PLEKHA2: variants seen among roughly 807,000 people sequenced by gnomAD.
PLEKHA2 encodes the protein pleckstrin homology domain containing A2, also known as pleckstrin homology domain-containing family A member 2.
PLEKHA2 carries 28 observed loss-of-function variants against 53.2 expected under a neutral mutation model. That is an observed-to-expected ratio of 0.53 (90% CI 0.39 to 0.72). PLEKHA2 has a LOEUF of 0.72. Among genes scored for constraint, PLEKHA2 ranks in the 30% least tolerant of loss-of-function variants. The probability of loss-of-function intolerance (pLI) is 0.00; values close to 1 mark genes in which losing one functional copy is unlikely to be tolerated. For missense variants in PLEKHA2, 426 were observed against 537.9 expected (o/e 0.79, Z 2.06); for synonymous variants, 193 against 196.4 (o/e 0.98, Z 0.14).
intron 1 of PLEKHA2, among the ~76,000 whole-genome samples, chr8:38,916,961 C>T (rs1227458001): frequency 6.6e-6 from 1 of 152,158 alleles, no homozygotes; most frequent in Non-Finnish European, 1.5e-5. Flanking sequence ...GGATAAAAGC[C>T]ATTTTCACGG....
At chr8:38,950,081 A>G (rs1444445565) in intron 5 of PLEKHA2, among the ~76,000 whole-genome samples, 1 of 152,052 alleles carries the variant, frequency 6.6e-6, no homozygotes, top group Non-Finnish European at 1.5e-5. Flanking sequence ...GGTCTCTGTC[A>G]CCTAGCCTGG....
At chr8:38,954,126 C>G in intron 9 of PLEKHA2, among the ~76,000 whole-genome samples, 1 of 152,134 alleles carries the variant, frequency 6.6e-6, no homozygotes. Flanking sequence ...ATGGCTTGTA[C>G]AAGCAGAACC....
In PLEKHA2 at chr8:38,970,594, C is replaced by T. The variant is rs1055397296; in HGVS notation, c.*811C>T. 2 of 165,768 alleles carry T rather than the reference C, an allele frequency of 1.2e-5. No homozygotes were observed. The highest frequency in any genetic ancestry group is 1.3e-5 in the Non-Finnish European group (1 of 75,026). The allele number at this position is 165,768 out of a possible 1,614,324, so 10.3% of individuals were successfully genotyped here. A position where few individuals can be genotyped will look rare whatever the true frequency, so the allele number is the denominator to read the frequency against. On this transcript the variant is annotated 3_prime_UTR_variant, in exon 12 of 12. Coordinates refer to ENST00000617275, the MANE Select transcript of PLEKHA2 (RefSeq NM_021623.2). ...GGTGGATCACCTGAGGTCAGGAGTT[C>T]GAGATCAGCCTGGCCAACATGGTGA... is the stretch of plus-strand genomic sequence containing the variant.
chr8:38,936,600 C>G (rs950728910), intron 3 of PLEKHA2, among the ~76,000 whole-genome samples: 7 of 152,248 alleles, frequency 4.6e-5, no homozygotes, highest in Non-Finnish European at 1.0e-4. Context: ...GGGGTTGGGG[C>G]AGGTGGCTGC....
chr8:38,964,527 C>T (rs927782295), intron 10 of PLEKHA2, among the ~76,000 whole-genome samples: 3 of 152,110 alleles, frequency 2.0e-5, no homozygotes, highest in Non-Finnish European at 4.4e-5. Flanking sequence ...TCATCCCCCT[C>T]CCTTTACCCT....
chr8:38,906,052 C>T (rs1180675958), intron 1 of PLEKHA2, among the ~76,000 whole-genome samples: 2 of 152,226 alleles, frequency 1.3e-5, no homozygotes, highest in African/African-American at 2.4e-5. Context: ...TTGACATCGT[C>T]CATTATAAAA....
chr8:38,948,504 C>G (rs369142342), intron 5 of PLEKHA2, among the ~76,000 whole-genome samples: 1 of 152,034 alleles, frequency 6.6e-6, no homozygotes, highest in East Asian at 1.9e-4. Flanking sequence ...AAATAGAAGG[C>G]GGAATTTCTG....
At chr8:38,921,057 T>C (rs1834183671) in intron 2 of PLEKHA2, among the ~76,000 whole-genome samples, 1 of 152,182 alleles carries the variant, frequency 6.6e-6, no homozygotes. Context: ...GGCCTCGGCC[T>C]CCCAAAGTGC....
chr8:38,927,616 A>G (rs369397367), intron 2 of PLEKHA2, among the ~76,000 whole-genome samples: 1 of 152,150 alleles, frequency 6.6e-6, no homozygotes, highest in South Asian at 2.1e-4. Flanking sequence ...TTCAGAGACC[A>G]GTTTTATTAG....
chr8:38,955,946 G>T (rs919843131), intron 9 of PLEKHA2, among the ~76,000 whole-genome samples: 3 of 152,104 alleles, frequency 2.0e-5, no homozygotes, highest in Non-Finnish European at 4.4e-5. Flanking sequence ...GAGTAGCTGG[G>T]ACTATAGATG....
At position 38,972,662 on chromosome 8, in the gene PLEKHA2, C is replaced by T. The variant is rs1835273551; in HGVS notation, c.*2879C>T. 6.6e-6 allele frequency: 1 copy of T among 151,966 alleles called. No individual in the cohort carries two copies. The highest frequency in any genetic ancestry group is 2.1e-4 in the South Asian group (1 of 4,830). The allele number at this position is 151,966 out of a possible 1,614,324, so 9.4% of individuals were successfully genotyped here. A position where few individuals can be genotyped will look rare whatever the true frequency, so the allele number is the denominator to read the frequency against. ...TGAACCAAAGATGGTACGTATTTGACCAAAGCAGTTAGTTTTAAATGTATA... is the reference window on the plus strand; with the variant it reads ...TGAACCAAAGATGGTACGTATTTGATCAAAGCAGTTAGTTTTAAATGTATA... On this transcript the variant is annotated 3_prime_UTR_variant, in exon 12 of 12. Coordinates refer to ENST00000617275, the MANE Select transcript of PLEKHA2 (RefSeq NM_021623.2).
At chr8:38,923,505 C>A (rs1834229756) in intron 2 of PLEKHA2, among the ~76,000 whole-genome samples, 1 of 152,190 alleles carries the variant, frequency 6.6e-6, no homozygotes, top group South Asian at 2.1e-4. Context: ...CCGCGCCCAG[C>A]CTGTAGGTGA....
chr8:38,931,846 C>G (rs1834399450), intron 2 of PLEKHA2, among the ~76,000 whole-genome samples: 1 of 152,146 alleles, frequency 6.6e-6, no homozygotes, highest in Admixed American at 6.5e-5. Context: ...GTCCTGTTGA[C>G]CAGCTGTTCT....
chr8:38,950,913 G>T lies in PLEKHA2; in HGVS notation c.409G>T (p.Ala137Ser). 2 of 1,614,000 alleles carry T rather than the reference G, an allele frequency of 1.2e-6. No homozygotes were observed. The highest frequency in any genetic ancestry group is 2.2e-5 in the South Asian group (2 of 91,074). ...EVLKSLAAPPALEKKPQVAYK... is the reference protein window; with the variant it reads ...EVLKSLAAPPSLEKKPQVAYK... ...TCTCAAGAGCTTAGCAGCTCCTCCA[G>T]CCCTGGAGAAGAAGCCACAGGTGGC... Residue 137 changes from alanine (A) to serine (S), a missense_variant, in exon 6 of 12, where the codon GCC becomes TCC. By Grantham distance (99) the Ala-to-Ser change is moderately conservative. Coordinates refer to ENST00000617275, the MANE Select transcript of PLEKHA2 (RefSeq NM_021623.2).
chr8:38,924,510 G>A (rs1834249114), intron 2 of PLEKHA2, among the ~76,000 whole-genome samples: 1 of 152,214 alleles, frequency 6.6e-6, no homozygotes, highest in South Asian at 2.1e-4. Context: ...TGGTTTCACT[G>A]TGGGCCTGCA....
chr8:38,952,553 T>C (rs1473511610), intron 7 of PLEKHA2, 83 bp from the exon 8 acceptor site: 4 of 1,467,958 alleles, frequency 2.7e-6, no homozygotes, highest in Admixed American at 3.8e-5. Context: ...TGGGGCTGGG[T>C]CCTTGGGAGC....
chr8:38,946,364 C>G, intron 5 of PLEKHA2, 143 bp downstream of exon 5: 2 of 671,894 alleles, frequency 3.0e-6, no homozygotes, highest in Non-Finnish European at 5.1e-6. Flanking sequence ...CCCACCTCGT[C>G]TTTTTCCTTG....
At chr8:38,959,102 T>TA (rs1322773928) in intron 10 of PLEKHA2, among the ~76,000 whole-genome samples, 1 of 152,060 alleles carries the variant, frequency 6.6e-6, no homozygotes, top group Non-Finnish European at 1.5e-5. Flanking sequence ...CGAAATGTAT[T>TA]ACAGGTCCTC....
intron 1 of PLEKHA2, 51 bp downstream of exon 1, chr8:38,901,496 C>T (rs916372542): frequency 6.6e-6 from 1 of 151,436 alleles, no homozygotes; most frequent in Non-Finnish European, 1.5e-5. Flanking sequence ...CAGAGGGGCG[C>T]GCGGGGGCTG....
Sources: gnomAD v4.1 joint callset for allele counts (sites outside exome capture counted in the v4.1 genomes callset) on GRCh38, gnomAD v4.1.1 for gene constraint, MANE v1.5 for transcripts, NCBI Gene and HGNC (gene_info 2026-07-23, HGNC 2026-07-21) for gene names.